ACOT9: variants seen among roughly 807,000 people sequenced by gnomAD.
ACOT9 encodes acyl-CoA thioesterase 9.
In ACOT9, 34 loss-of-function variants were observed where a neutral mutation model predicts 39.7. That is an observed-to-expected ratio of 0.86 (90% CI 0.65 to 1.14). The LOEUF is 1.14. ACOT9 is among the 50% of genes most tolerant of loss of function. The pLI is 0.00. For synonymous variants in ACOT9, 110 were observed against 120.5 expected, an observed-to-expected ratio of 0.91 and a Z score of 0.57; for missense variants, 313 against 344.1, an observed-to-expected ratio of 0.91 and a Z score of 0.71.
intron 9 of ACOT9, among the ~76,000 whole-genome samples, chrX:23,712,533 G>A (rs756328712): frequency 9.1e-6 from 1 of 110,126 alleles, no homozygotes; most frequent in South Asian, 3.8e-4. Flanking sequence ...GCTTTATTAA[G>A]GTATAATTCG....
At chrX:23,735,463 C>A (rs1316151125) in intron 2 of ACOT9, among the ~76,000 whole-genome samples, 1 of 110,379 alleles carries the variant, frequency 9.1e-6, no homozygotes, top group African/African-American at 3.3e-5. Context: ...TTTAAAGAAG[C>A]CGCAATTTTA....
chrX:23,723,021 C>G (rs1929374322), intron 6 of ACOT9, among the ~76,000 whole-genome samples: 1 of 111,509 alleles, frequency 9.0e-6, no homozygotes, highest in South Asian at 3.8e-4. Context: ...CAGCTTGTTA[C>G]CACTCCACAG....
At chrX:23,739,207 G>C (rs374214601) in intron 1 of ACOT9, among the ~76,000 whole-genome samples, 1 of 110,737 alleles carries the variant, frequency 9.0e-6, no homozygotes, top group Non-Finnish European at 1.9e-5. Context: ...GCGGTGAGCC[G>C]AGATCGTGCC....
chrX:23,718,688 G>T lies in ACOT9; in HGVS notation c.588+3193C>A, dbSNP rs919881456. Reference sequence around the variant, plus strand: ...TGGGAGGCCGAGGCAGGCGGATCATGAGGTCAGGAGATCGAGATCATCCTG... The same window carrying T: ...TGGGAGGCCGAGGCAGGCGGATCATTAGGTCAGGAGATCGAGATCATCCTG... On this transcript the variant is annotated intron_variant, in intron 8 of 15. Transcript: ENST00000379303. 3.8e-5 allele frequency among the ~76,000 whole-genome samples: 4 copies of T among 105,635 alleles called. No homozygotes were observed. In the Admixed American group the frequency reaches 4.1e-4, roughly 11 times the overall value. 91.7% of individuals were successfully genotyped at this position (105,635 alleles called of 115,157 possible).
intron 8 of ACOT9, among the ~76,000 whole-genome samples, chrX:23,717,435 G>C (rs1221535649): frequency 1.8e-5 from 2 of 111,970 alleles, no homozygotes; most frequent in African/African-American, 6.5e-5. Context: ...TCCGGCTAGA[G>C]AAAGTCAGGT....
Position 23,703,977 on chromosome X carries a change from T to C in ACOT9, c.1264A>G (p.Met422Val). The C allele has an allele frequency of 8.3e-7, 1 of 1,207,574 alleles. No individual in the cohort carries two copies. The highest frequency in any genetic ancestry group is 1.1e-6 in the Non-Finnish European group (1 of 892,273). The part of the protein sequence containing the change: ...LVFPKTYGES[M>V]LYLDGQRHFN... ...TGCCGCTGCCCATCTAAGTACAACA[T>C]GGACTCTGAAACACAAGAAAGAGAA... The change falls in exon 16 of 16, where the codon ATG becomes GTG. Residue 422 changes from methionine to valine, a missense_variant. Coordinates refer to ENST00000379303, the MANE Select transcript of ACOT9 (RefSeq NM_001037171.2).
intron 10 of ACOT9, chrX:23,707,214 G>A (rs1234513475): frequency 1.8e-5 from 2 of 110,811 alleles, no homozygotes; most frequent in African/African-American, 6.6e-5. Flanking sequence ...TGGGTGGATA[G>A]CTTGGGCCCA....
intron 9 of ACOT9, among the ~76,000 whole-genome samples, chrX:23,709,946 G>T (rs990867223): frequency 2.7e-5 from 3 of 111,971 alleles, no homozygotes; most frequent in Admixed American, 1.9e-4. Context: ...GGCGTGCAGT[G>T]GTGCGACCTT....
In ACOT9 at chrX:23,703,716, C is replaced by T; in HGVS notation, c.*178G>A. 1 of 403,030 alleles carries T rather than the reference C, an allele frequency of 2.5e-6. No homozygotes were observed. Among genetic ancestry groups the T allele is most frequent in the Non-Finnish European group, 4.4e-6 (1 of 227,207 alleles). 33.2% of individuals were successfully genotyped at this position (403,030 alleles called of 1,213,427 possible). ...TTTATTGTTTAATAATTCTTTCTCC[C>T]CTCAGCCCCATCCGGCCACTCTCTC... On this transcript the variant is annotated 3_prime_UTR_variant, in exon 16 of 16. Transcript: ENST00000379303.
At chrX:23,742,713 T>C (rs1393037776) in intron 1 of ACOT9, among the ~76,000 whole-genome samples, 6 of 111,425 alleles carry the variant, frequency 5.4e-5, no homozygotes, top group Non-Finnish European at 1.1e-4. Context: ...GGTCAAGCAT[T>C]TAATCCTAAA....
At chrX:23,706,138 C>T (rs1271207432) in intron 11 of ACOT9, among the ~76,000 whole-genome samples, 2 of 110,683 alleles carry the variant, frequency 1.8e-5, no homozygotes, top group East Asian at 2.8e-4. Context: ...TGGTGGCGGG[C>T]GCCTGTAATC....
intron 11 of ACOT9, 108 bp downstream of exon 11, chrX:23,706,520 T>A (rs1652017926): frequency 1.1e-5 from 6 of 526,387 alleles, no homozygotes; most frequent in Non-Finnish European, 1.8e-5. Context: ...ATCGTGCCAT[T>A]GCACTCCAGC....
At chrX:23,709,514 A>G (rs1928822072) in intron 9 of ACOT9, among the ~76,000 whole-genome samples, 1 of 112,602 alleles carries the variant, frequency 8.9e-6, no homozygotes, top group African/African-American at 3.2e-5. Flanking sequence ...GTCACTGGCC[A>G]CAGCAGGTCA....
At chrX:23,716,094 G>C in intron 8 of ACOT9, among the ~76,000 whole-genome samples, 1 of 111,825 alleles carries the variant, frequency 8.9e-6, no homozygotes, top group East Asian at 2.8e-4. Flanking sequence ...GCAAGTCAAA[G>C]AGACGGTATT....
chrX:23,713,009 A>C (rs1179823571), intron 9 of ACOT9, 126 bp downstream of exon 9: 1 of 522,625 alleles, frequency 1.9e-6, no homozygotes, highest in Non-Finnish European at 3.1e-6. Flanking sequence ...AAAATGGCCA[A>C]GAAATTGCAA....
intron 9 of ACOT9, among the ~76,000 whole-genome samples, chrX:23,708,675 G>A (rs1026375742): frequency 8.9e-6 from 1 of 112,007 alleles, no homozygotes; most frequent in African/African-American, 3.2e-5. Flanking sequence ...TGATGGATTG[G>A]GTCCTGAATC....
In ACOT9 at chrX:23,703,850, C is replaced by T. The variant is rs1332386564; in HGVS notation, c.*44G>A. ...TCGATCAGGTCTTCATCAGATACCA[C>T]GTCACTGTGGGTAGAGTGCTAGTTT... On this transcript the variant is annotated 3_prime_UTR_variant, in exon 16 of 16. Transcript: ENST00000379303. 2 of 1,085,980 alleles carry T rather than the reference C, an allele frequency of 1.8e-6. No homozygotes were observed. The highest frequency in any genetic ancestry group is 3.7e-5 in the South Asian group (2 of 53,360). The allele number at this position is 1,085,980 out of a possible 1,213,427, so 89.5% of individuals were successfully genotyped here.
In ACOT9 at chrX:23,723,942, G is replaced by C. The variant is rs1929413150; in HGVS notation, c.401-1189C>G. On this transcript the variant is annotated intron_variant, in intron 6 of 15. Transcript: ENST00000379303. ...TAAATTCAGTTTTCTAGCTTGCATA[G>C]GTAAGCGTGGTGTACTAGTCACTGA... 2.7e-5 allele frequency among the ~76,000 whole-genome samples: 3 copies of C among 112,323 alleles called. No homozygotes were observed. In the Admixed American group the frequency reaches 2.9e-4, roughly 11 times the overall value.
intron 15 of ACOT9, 121 bp from the exon 16 acceptor site, chrX:23,704,103 G>T: frequency 1.9e-6 from 1 of 539,012 alleles, no homozygotes; most frequent in Non-Finnish European, 3.1e-6. Flanking sequence ...CTGTTGGGCC[G>T]GGGTGTGCCA....
Sources: gnomAD v4.1 joint callset for allele counts (sites outside exome capture counted in the v4.1 genomes callset) on GRCh38, gnomAD v4.1.1 for gene constraint, MANE v1.5 for transcripts, NCBI Gene and HGNC (gene_info 2026-07-23, HGNC 2026-07-21) for gene names.